The following TMC1 variants were observed in gnomAD, a reference collection of about 807,000 sequenced individuals.
TMC1 encodes transmembrane channel like 1.
In TMC1, 84 loss-of-function variants were observed where a neutral mutation model predicts 105.8. The ratio of observed to expected loss-of-function variants is 0.79; its 90% confidence interval spans 0.67 to 0.95. TMC1 has a LOEUF of 0.95. TMC1 is among the 40% of genes least tolerant of loss of function. The pLI, the probability that TMC1 is intolerant of heterozygous loss-of-function variation, is 0.00. For missense variants in TMC1, 817 were observed against 914.1 expected (o/e 0.89, Z 1.37); for synonymous variants, 315 against 311.5 (o/e 1.01, Z -0.12).
chr9:72,747,132 A>AT (rs905789202), intron 10 of TMC1, among the ~76,000 whole-genome samples: 4 of 151,984 alleles, frequency 2.6e-5, no homozygotes, highest in South Asian at 2.1e-4. Context: ...TCAGAAACCT[A>AT]TTTTTTTTCA....
rs556015256 is a variant in TMC1 at position 72,557,370 on chromosome 9, A to C, written c.-427-20532A>C. On this transcript the variant is annotated intron_variant, in intron 1 of 23. Coordinates refer to ENST00000297784, the MANE Select transcript of TMC1 (RefSeq NM_138691.3). ...TGGGTGACAGAGTGAGACTCTCAAA[A>C]AAACAAACAAACAAAAAAACAGAAA... Among the ~76,000 whole-genome samples the C allele has an allele frequency of 4.5e-3, 692 of 152,250 alleles. 2 individuals carry two copies. Among genetic ancestry groups the C allele is most frequent in the African/African-American group, 0.016 (653 of 41,542 alleles).
chr9:72,659,195 A>T (rs749757325), intron 5 of TMC1, among the ~76,000 whole-genome samples: 1 of 152,176 alleles, frequency 6.6e-6, no homozygotes, highest in Non-Finnish European at 1.5e-5. Context: ...TTTAATATAG[A>T]CTGGACTGGA....
At chr9:72,760,056 GT>G (rs551242249) in intron 12 of TMC1, among the ~76,000 whole-genome samples, 19 of 150,620 alleles carry the variant, frequency 1.3e-4, no homozygotes, top group South Asian at 2.1e-4. Context: ...GAGCTTTCAT[GT>G]TTTTTTTTCC....
At chr9:72,793,740 T>C (rs1274520950) in intron 17 of TMC1, among the ~76,000 whole-genome samples, 1 of 152,150 alleles carries the variant, frequency 6.6e-6, no homozygotes, top group Non-Finnish European at 1.5e-5. Context: ...CAGGGACGGA[T>C]GTGGGGTCCC....
intron 8 of TMC1, among the ~76,000 whole-genome samples, chr9:72,730,464 A>G (rs1489133511): frequency 6.6e-6 from 1 of 152,128 alleles, no homozygotes; most frequent in African/African-American, 2.4e-5. Context: ...TGAGCCCAAC[A>G]GTTCCATATT....
rs536715074 is a variant in TMC1 at position 72,616,601 on chromosome 9, T to C, written c.-196+124T>C. On this transcript the variant is annotated intron_variant, in intron 3 of 23. Transcript: ENST00000297784. Reference sequence around the variant, plus strand: ...TGTTAGTACTGAGCAGTATATCTTTTATTGTTGAAGTCCAATAAGAACAGA... The same window carrying C: ...TGTTAGTACTGAGCAGTATATCTTTCATTGTTGAAGTCCAATAAGAACAGA... The C allele has an allele frequency of 3.1e-5, 3 of 96,790 alleles. No homozygotes were observed. In the South Asian group the frequency reaches 7.6e-4, roughly 24 times the overall value. 6.0% of individuals were successfully genotyped at this position (96,790 alleles called of 1,614,324 possible).
At chr9:72,816,857 C>T (rs367822633) in intron 19 of TMC1, among the ~76,000 whole-genome samples, 3 of 152,028 alleles carry the variant, frequency 2.0e-5, no homozygotes, top group East Asian at 1.9e-4. Flanking sequence ...CAGTAGAAAT[C>T]GTTTTTGAGT....
At chr9:72,814,084 A>G (rs1437601863) in intron 18 of TMC1, among the ~76,000 whole-genome samples, 1 of 152,210 alleles carries the variant, frequency 6.6e-6, no homozygotes, top group Non-Finnish European at 1.5e-5. Context: ...GAGAGAGTGA[A>G]GAAAACAGGC....
At chr9:72,596,803 G>C (rs1322187660) in intron 2 of TMC1, among the ~76,000 whole-genome samples, 4 of 151,800 alleles carry the variant, frequency 2.6e-5, no homozygotes, top group African/African-American at 9.7e-5. Flanking sequence ...CATTCCCCCT[G>C]GAAGAAAACA....
intron 1 of TMC1, among the ~76,000 whole-genome samples, chr9:72,528,376 C>T (rs1045291495): frequency 2.0e-5 from 3 of 151,414 alleles, no homozygotes; most frequent in African/African-American, 7.3e-5. Context: ...CTCTTGTTGC[C>T]CAGGCTGGAG....
At chr9:72,620,550 C>T (rs1825231120) in intron 3 of TMC1, among the ~76,000 whole-genome samples, 1 of 152,140 alleles carries the variant, frequency 6.6e-6, no homozygotes, top group African/African-American at 2.4e-5. Context: ...CATACCTAGC[C>T]AGATTTCTAT....
chr9:72,802,230 C>T (rs1271127064), intron 17 of TMC1, among the ~76,000 whole-genome samples: 1 of 146,728 alleles, frequency 6.8e-6, no homozygotes, highest in East Asian at 2.0e-4. Context: ...CCTGTCTCTA[C>T]ATACATACAT....
intron 2 of TMC1, among the ~76,000 whole-genome samples, chr9:72,603,468 T>A (rs1365333129): frequency 1.3e-5 from 2 of 151,810 alleles, no homozygotes; most frequent in South Asian, 2.1e-4. Flanking sequence ...CATGGGTATG[T>A]TGTCAGACAG....
rs1328356240 is a variant in TMC1, at chr9:72,804,380, T to TA, written c.1567-995dup. On this transcript the variant is annotated intron_variant, in intron 17 of 23. Coordinates refer to ENST00000297784, the MANE Select transcript of TMC1 (RefSeq NM_138691.3). ...TGCACGTGTACCCCAGAACTTAAAA[T>TA]AAAAAAAGAAGACATAAAAAATTTA... is the stretch of plus-strand genomic sequence containing the variant. Among the ~76,000 whole-genome samples, 6 of 152,046 alleles carry TA rather than the reference T, an allele frequency of 3.9e-5. No individual in the cohort carries two copies. The East Asian group carries it at 1.2e-3, about 29-fold the overall frequency.
intron 13 of TMC1, among the ~76,000 whole-genome samples, chr9:72,786,923 G>A (rs1275164967): frequency 6.6e-6 from 1 of 151,636 alleles, no homozygotes; most frequent in Non-Finnish European, 1.5e-5. Context: ...GTCAATGACA[G>A]TGCAAAAACT....
At chr9:72,737,165 G>T (rs935958644) in intron 8 of TMC1, among the ~76,000 whole-genome samples, 5 of 152,060 alleles carry the variant, frequency 3.3e-5, no homozygotes, top group Admixed American at 1.3e-4. Context: ...GTATTCCTAC[G>T]CTGCTTGGTT....
intron 2 of TMC1, among the ~76,000 whole-genome samples, chr9:72,587,148 T>A (rs908411684): frequency 6.8e-5 from 10 of 146,412 alleles, no homozygotes; most frequent in Admixed American, 2.8e-4. Flanking sequence ...AATCTGGTTA[T>A]GTAACAGATA....
Position 72,789,126 on chromosome 9 carries a change from G to A in TMC1, c.1033G>A (p.Ala345Thr), listed in dbSNP as rs1363207425. The A allele has an allele frequency of 1.2e-6, 2 of 1,612,264 alleles. No homozygotes were observed. The highest frequency in any genetic ancestry group is 3.3e-5 in the Admixed American group (2 of 59,974). ...TTGTTTGTTTTCATGGATACAGGAAGCTATCACAGAAGAAAAAGCAGCCCA... is the reference window on the plus strand; with the variant it reads ...TTGTTTGTTTTCATGGATACAGGAAACTATCACAGAAGAAAAAGCAGCCCA... ...FNSITMNFKE[A>T]ITEEKAAQVE... The change falls in exon 15 of 24, where the codon GCT (alanine) becomes ACT (threonine). Residue 345 changes from alanine (A) to threonine (T), a missense_variant. By Grantham distance (58) the Ala-to-Thr change is moderately conservative. Coordinates refer to ENST00000297784, the MANE Select transcript of TMC1 (RefSeq NM_138691.3).
intron 6 of TMC1, among the ~76,000 whole-genome samples, 193 bp downstream of exon 6, chr9:72,688,949 A>G (rs1253821227): frequency 1.3e-5 from 2 of 152,108 alleles, no homozygotes; most frequent in Non-Finnish European, 2.9e-5. Context: ...TGGCACTATA[A>G]GGGCCAAGAC....
Sources: allele counts gnomAD v4.1 joint callset (sites outside exome capture counted in the v4.1 genomes callset), GRCh38; gene constraint gnomAD v4.1.1; transcripts MANE v1.5; gene names NCBI Gene and HGNC (gene_info 2026-07-23, HGNC 2026-07-21).